The following MIER1 variants were observed in gnomAD, a reference collection of about 807,000 sequenced individuals.
MIER1 encodes MIER1 transcriptional regulator.
A neutral mutation model predicts 75.7 loss-of-function variants in MIER1; 40 were observed. The observed-to-expected ratio is 0.53, with a 90% CI of 0.41 to 0.69. MIER1 has a LOEUF of 0.69. Ranked by LOEUF, MIER1 falls within the 30% of genes least tolerant of loss-of-function variation. MIER1 has a pLI of 0.00. For synonymous variants in MIER1, 213 were observed against 223.4 expected, an observed-to-expected ratio of 0.95 and a Z score of 0.42; for missense variants, 574 against 680.2, an observed-to-expected ratio of 0.84 and a Z score of 1.74.
At chr1:66,974,285 G>A (rs1664253482) in intron 11 of MIER1, among the ~76,000 whole-genome samples, 1 of 151,884 alleles carries the variant, frequency 6.6e-6, no homozygotes, top group Non-Finnish European at 1.5e-5. Flanking sequence ...CTAATGTTGT[G>A]TTCATATCAT....
intron 4 of MIER1, chr1:66,947,716 C>G (rs978784298): frequency 6.5e-6 from 1 of 152,884 alleles, no homozygotes; most frequent in African/African-American, 2.4e-5. Context: ...AACCTCCCAG[C>G]TTCCTGTTAT....
At chr1:66,957,934 C>A (rs1032542453) in intron 4 of MIER1, 125 bp from the exon 5 acceptor site, 2 of 484,954 alleles carry the variant, frequency 4.1e-6, no homozygotes, top group East Asian at 6.5e-5. Context: ...TTTTATGATC[C>A]GAGAATTCGT....
rs1651123647 is a variant in MIER1 at position 66,925,023 on chromosome 1, AG to A, written c.-4del. 1 of 1,546,110 alleles carries A rather than the reference AG, an allele frequency of 6.5e-7. No homozygotes were observed. ...CCCAGGCTCTGAGTCTCCCGGCTGC[AG>A]GCGGATGGATGGGGCTTCTTCAGGC... On this transcript the variant is annotated 5_prime_UTR_variant, in exon 1 of 14. Coordinates refer to ENST00000401041, the MANE Select transcript of MIER1 (RefSeq NM_001077700.3).
intron 4 of MIER1, chr1:66,947,932 G>T (rs570757003): frequency 1.0e-6 from 1 of 985,388 alleles, no homozygotes; most frequent in Non-Finnish European, 1.2e-6. Flanking sequence ...TATCCTCTGG[G>T]TTCGGTGTTG....
intron 12 of MIER1, 116 bp downstream of exon 12, chr1:66,976,838 G>A (rs777295842): frequency 2.6e-5 from 22 of 848,076 alleles, no homozygotes; most frequent in Non-Finnish European, 3.7e-5. Flanking sequence ...ATCTTAACCA[G>A]AAGGCCGAGA....
Position 66,985,805 on chromosome 1 carries a change from GA to G in MIER1, c.*906del. On this transcript the variant is annotated 3_prime_UTR_variant, in exon 14 of 14. Coordinates refer to ENST00000401041, the MANE Select transcript of MIER1 (RefSeq NM_001077700.3). ...CCAGGTGGTTAAAGCATTCATAAAG[GA>G]TTATAAAATTTTTTTTTTTTTTTTT... is the stretch of plus-strand genomic sequence containing the variant. 1 of 829,254 alleles carries G rather than the reference GA, an allele frequency of 1.2e-6. No homozygotes were observed. The highest frequency in any genetic ancestry group is 1.4e-6 in the Non-Finnish European group (1 of 696,080). 51.4% of individuals were successfully genotyped at this position (829,254 alleles called of 1,614,324 possible).
intron 8 of MIER1, among the ~76,000 whole-genome samples, chr1:66,966,590 A>G (rs1028222613): frequency 1.3e-5 from 2 of 152,216 alleles, no homozygotes; most frequent in East Asian, 1.9e-4. Flanking sequence ...TTCTAGTTCT[A>G]GGTCCTTGAG....
At chr1:66,937,627 G>GTT (rs1383928997) in intron 2 of MIER1, among the ~76,000 whole-genome samples, 1 of 152,154 alleles carries the variant, frequency 6.6e-6, no homozygotes, top group Admixed American at 6.5e-5. Flanking sequence ...CTATATGAAT[G>GTT]TAAGCTGGAT....
At chr1:66,958,327 A>T in intron 5 of MIER1, 107 bp downstream of exon 5, 1 of 664,642 alleles carries the variant, frequency 1.5e-6, no homozygotes, top group Non-Finnish European at 2.2e-6. Context: ...CCTGATTTTA[A>T]AAGTGTTAAA....
chr1:66,947,652 C>T (rs946213346), intron 4 of MIER1: 1 of 152,230 alleles, frequency 6.6e-6, no homozygotes, highest in African/African-American at 2.4e-5. Context: ...TCTCCTGATA[C>T]ATTTCCACCC....
At chr1:66,966,290 G>GT (rs1202161647) in intron 8 of MIER1, among the ~76,000 whole-genome samples, 3 of 152,028 alleles carry the variant, frequency 2.0e-5, no homozygotes, top group East Asian at 1.9e-4. Context: ...GCAGTGTTTG[G>GT]TTTTTTGTCC....
intron 10 of MIER1, 128 bp downstream of exon 10, chr1:66,971,864 A>G (rs1322907035): frequency 3.9e-6 from 2 of 514,280 alleles, no homozygotes; most frequent in East Asian, 6.5e-5. Flanking sequence ...TTTACAAAAT[A>G]CCAAGTATTA....
intron 2 of MIER1, among the ~76,000 whole-genome samples, chr1:66,926,901 A>G (rs1268699148): frequency 6.6e-6 from 1 of 152,152 alleles, no homozygotes; most frequent in East Asian, 1.9e-4. Flanking sequence ...TTTGGATTGC[A>G]TAACAGATAG....
At chr1:66,929,990 C>A (rs1477876608) in intron 2 of MIER1, among the ~76,000 whole-genome samples, 2 of 152,234 alleles carry the variant, frequency 1.3e-5, no homozygotes, top group African/African-American at 4.8e-5. Flanking sequence ...TGTTCCTTGA[C>A]CTCTCTGATC....
rs1381329473 is a variant in MIER1 at position 66,987,180 on chromosome 1, A to G, written c.*2280A>G. ...CTCAGCTTTTTGTAAAGAAATATTT[A>G]ATTGTATTTTGTGTTTATACAGGTA... On this transcript the variant is annotated 3_prime_UTR_variant, in exon 14 of 14. Coordinates refer to ENST00000401041, the MANE Select transcript of MIER1 (RefSeq NM_001077700.3). 2 of 152,708 alleles carry G rather than the reference A, an allele frequency of 1.3e-5. No individual in the cohort carries two copies. Among genetic ancestry groups the G allele is most frequent in the Non-Finnish European group, 2.9e-5 (2 of 67,962 alleles). 9.5% of individuals were successfully genotyped at this position (152,708 alleles called of 1,614,324 possible). A position where few individuals can be genotyped will look rare whatever the true frequency, so the allele number is the denominator to read the frequency against.
chr1:66,946,932 T>C (rs1306666269), intron 4 of MIER1: 1 of 985,306 alleles, frequency 1.0e-6, no homozygotes, highest in Non-Finnish European at 1.2e-6. Flanking sequence ...TTGCAGACTC[T>C]TCTTCCGTTA....
chr1:66,942,209 C>T (rs573165346), intron 3 of MIER1, among the ~76,000 whole-genome samples: 1 of 152,232 alleles, frequency 6.6e-6, no homozygotes, highest in African/African-American at 2.4e-5. Flanking sequence ...AAAAATTTTT[C>T]AGTCCCCTGA....
At chr1:66,961,874 TC>T (rs1661316442) in intron 7 of MIER1, among the ~76,000 whole-genome samples, 1 of 152,252 alleles carries the variant, frequency 6.6e-6, no homozygotes. Context: ...AGAAAACTGA[TC>T]ATGAGAAAGA....
chr1:66,974,885 T>C (rs1219209273), intron 11 of MIER1, among the ~76,000 whole-genome samples: 1 of 152,196 alleles, frequency 6.6e-6, no homozygotes, highest in Non-Finnish European at 1.5e-5. Flanking sequence ...TTTTTCATAA[T>C]CTTAACTTTG....
Sources: allele counts gnomAD v4.1 joint callset (sites outside exome capture counted in the v4.1 genomes callset), GRCh38; gene constraint gnomAD v4.1.1; transcripts MANE v1.5; gene names NCBI Gene and HGNC (gene_info 2026-07-23, HGNC 2026-07-21).